ZNF37A: variants seen among roughly 807,000 people sequenced by gnomAD.
ZNF37A encodes the protein zinc finger protein 37A, also known as zinc finger protein 37a (KOX 21).
A neutral mutation model predicts 12.3 loss-of-function variants in ZNF37A; 10 were observed. That is an observed-to-expected ratio of 0.82 (90% CI 0.50 to 1.38). The LOEUF (loss-of-function observed/expected upper bound fraction) is 1.38. Ranked by LOEUF, ZNF37A falls within the 40% of genes most tolerant of loss-of-function variation. ZNF37A has a pLI of 0.00. For missense variants in ZNF37A, 580 were observed against 651.2 expected (o/e 0.89, Z 1.19); for synonymous variants, 207 against 223.0 (o/e 0.93, Z 0.64).
intron 5 of ZNF37A, among the ~76,000 whole-genome samples, chr10:38,102,082 G>A (rs570236558): frequency 9.2e-5 from 14 of 152,044 alleles, no homozygotes; most frequent in South Asian, 2.1e-4. Flanking sequence ...TGATCTGCCC[G>A]CCTTGGCCTC....
intron 5 of ZNF37A, among the ~76,000 whole-genome samples, chr10:38,098,268 C>T (rs1240831509): frequency 6.6e-6 from 1 of 152,192 alleles, no homozygotes; most frequent in African/African-American, 2.4e-5. Flanking sequence ...AATAGTGCTC[C>T]TATGAGCATT....
Position 38,122,894 on chromosome 10 carries a change from G to GT in ZNF37A, c.*4058dup, listed in dbSNP as rs1358753296. On this transcript the variant is annotated 3_prime_UTR_variant, in exon 8 of 8. Transcript: ENST00000685332. Reference sequence around the variant, plus strand: ...AAAGTGAAGAGACAACCCATAGAATGTGAGATAATATTTGCAAACTATCCA... The same window carrying GT: ...AAAGTGAAGAGACAACCCATAGAATGTTGAGATAATATTTGCAAACTATCCA... 6.6e-6 allele frequency: 1 copy of GT among 152,178 alleles called. No individual in the cohort carries two copies. Among genetic ancestry groups the GT allele is most frequent in the African/African-American group, 2.4e-5 (1 of 41,442 alleles). 9.4% of individuals were successfully genotyped at this position (152,178 alleles called of 1,614,324 possible). A position where few individuals can be genotyped will look rare whatever the true frequency, so the allele number is the denominator to read the frequency against.
chr10:38,112,751 T>TCGG (rs1564931966), intron 5 of ZNF37A, among the ~76,000 whole-genome samples: 2,477 of 48,434 alleles, frequency 0.051, 269 homozygotes, highest in African/African-American at 0.064. Flanking sequence ...TTTTCTTTTC[T>TCGG]TTTCTTTTCT....
chr10:38,132,769 A>G (rs975373335), intron 7 of ZNF37A, among the ~76,000 whole-genome samples: 1 of 151,786 alleles, frequency 6.6e-6, no homozygotes, highest in Non-Finnish European at 1.5e-5. Context: ...ACCCCATGGT[A>G]ACTCAATGTG....
chr10:38,095,199 T>C lies in ZNF37A; in HGVS notation c.-223T>C, dbSNP rs1446325901. On this transcript the variant is annotated 5_prime_UTR_variant, in exon 2 of 8. Transcript: ENST00000685332. ...GAACCAAAGGGCTTAGGCCCAGCTGTCTTGGAGCAAAGCAGCTGTTGTGGG... is the reference window on the plus strand; with the variant it reads ...GAACCAAAGGGCTTAGGCCCAGCTGCCTTGGAGCAAAGCAGCTGTTGTGGG... 6.6e-6 allele frequency: 1 copy of C among 152,302 alleles called. No individual in the cohort carries two copies. Among genetic ancestry groups the C allele is most frequent in the Non-Finnish European group, 1.5e-5 (1 of 68,152 alleles). The allele number at this position is 152,302 out of a possible 1,614,324, so 9.4% of individuals were successfully genotyped here. A position where few individuals can be genotyped will look rare whatever the true frequency, so the allele number is the denominator to read the frequency against.
At position 38,122,461 on chromosome 10, in the gene ZNF37A, A is replaced by G. The variant is rs1219896737; in HGVS notation, c.*3624A>G. 6.6e-6 allele frequency: 1 copy of G among 152,232 alleles called. No individual in the cohort carries two copies. Among genetic ancestry groups the G allele is most frequent in the Non-Finnish European group, 1.5e-5 (1 of 68,042 alleles). The allele number at this position is 152,232 out of a possible 1,614,324, so 9.4% of individuals were successfully genotyped here. A position where few individuals can be genotyped will look rare whatever the true frequency, so the allele number is the denominator to read the frequency against. ...TTATTCAACAGAGCTACAGTAACCA[A>G]AACAGCATGATACTGGCATAACAAC... is the stretch of plus-strand genomic sequence containing the variant. On this transcript the variant is annotated 3_prime_UTR_variant, in exon 8 of 8. Coordinates refer to ENST00000685332, the MANE Select transcript of ZNF37A (RefSeq NM_001324250.3).
intron 7 of ZNF37A, among the ~76,000 whole-genome samples, chr10:38,131,057 C>G (rs1361442818): frequency 6.6e-6 from 1 of 151,556 alleles, no homozygotes; most frequent in Non-Finnish European, 1.5e-5. Flanking sequence ...TAGGTTATCT[C>G]TTTGATTGTG....
chr10:38,114,508 G>A (rs1564364445), intron 5 of ZNF37A, among the ~76,000 whole-genome samples: 1 of 152,194 alleles, frequency 6.6e-6, no homozygotes, highest in East Asian at 1.9e-4. Context: ...AACTAAGAAA[G>A]CTCTAGGCAC....
chr10:38,115,495 TG>T (rs1331480244), intron 7 of ZNF37A: 1 of 578,196 alleles, frequency 1.7e-6, no homozygotes, highest in Non-Finnish European at 2.7e-6. Flanking sequence ...CACATCTTGT[TG>T]TTTTTTTTAA....
downstream of ZNF37A, among the ~76,000 whole-genome samples, chr10:38,129,305 A>AC (rs2069978818): frequency 8.9e-6 from 1 of 112,692 alleles, no homozygotes; most frequent in African/African-American, 3.1e-5. Flanking sequence ...GACTCTGTCT[A>AC]AAAAAAAAAA....
chr10:38,107,898 A>C (rs1382856551), intron 5 of ZNF37A, among the ~76,000 whole-genome samples: 2 of 152,206 alleles, frequency 1.3e-5, no homozygotes, highest in Non-Finnish European at 2.9e-5. Flanking sequence ...CTACACAATA[A>C]TAGTGGGAGA....
exon 8 of ZNF37A, chr10:38,149,476 C>CA (rs2070299105): frequency 1.3e-5 from 2 of 151,946 alleles, no homozygotes; most frequent in South Asian, 4.2e-4. Flanking sequence ...TCCTAACCCC[C>CA]AATTCAGATT....
intron 5 of ZNF37A, 51 bp downstream of exon 5, chr10:38,096,683 TA>T: frequency 8.3e-6 from 13 of 1,563,084 alleles, no homozygotes; most frequent in African/African-American, 1.4e-5. Context: ...TATTGAGGTT[TA>T]AAAAATGTCT....
At chr10:38,126,351 C>T (rs2069927306), downstream of ZNF37A, among the ~76,000 whole-genome samples, 1 of 152,162 alleles carries the variant, frequency 6.6e-6, no homozygotes, top group South Asian at 2.1e-4. Context: ...CTAGACCTCT[C>T]ATCTAACCAC....
At chr10:38,131,965 C>T (rs1467616389) in intron 7 of ZNF37A, among the ~76,000 whole-genome samples, 1 of 152,136 alleles carries the variant, frequency 6.6e-6, no homozygotes, top group African/African-American at 2.4e-5. Context: ...CAAAATTGCT[C>T]ATCTTGTACC....
At chr10:38,126,272 T>C (rs67385632), downstream of ZNF37A, among the ~76,000 whole-genome samples, 33,547 of 152,138 alleles carry the variant, frequency 0.22, 3,772 homozygotes, top group Non-Finnish European at 0.24. Flanking sequence ...ATGAGACCTG[T>C]TGGCAGTTGA....
intron 7 of ZNF37A, chr10:38,146,603 T>C: frequency 5.2e-6 from 2 of 388,106 alleles, no homozygotes; most frequent in Non-Finnish European, 9.1e-6. Context: ...TTTCAGGGGA[T>C]TTTTAAAAAT....
intron 7 of ZNF37A, among the ~76,000 whole-genome samples, chr10:38,131,915 C>T: frequency 6.6e-6 from 1 of 152,000 alleles, no homozygotes; most frequent in Non-Finnish European, 1.5e-5. Flanking sequence ...GAGTCACTTC[C>T]TAATTTTCTT....
chr10:38,135,731 A>C (rs2070099060), intron 7 of ZNF37A, among the ~76,000 whole-genome samples: 1 of 152,228 alleles, frequency 6.6e-6, no homozygotes, highest in Non-Finnish European at 1.5e-5. Flanking sequence ...GCACCTCCTC[A>C]CAGGCGGCAG....
Sources: allele counts gnomAD v4.1 joint callset (sites outside exome capture counted in the v4.1 genomes callset), GRCh38; gene constraint gnomAD v4.1.1; transcripts MANE v1.5; gene names NCBI Gene and HGNC (gene_info 2026-07-23, HGNC 2026-07-21).